TTC39C: variants seen among roughly 807,000 people sequenced by gnomAD.
TTC39C encodes tetratricopeptide repeat protein 39C.
A neutral mutation model predicts 76.3 loss-of-function variants in TTC39C; 33 were observed. That is an observed-to-expected ratio of 0.43 (90% CI 0.33 to 0.58). TTC39C has a LOEUF of 0.58. Among genes scored for constraint, TTC39C ranks in the 20% least tolerant of loss-of-function variants. The pLI, the probability that TTC39C is intolerant of heterozygous loss-of-function variation, is 0.04. For synonymous variants in TTC39C, 254 were observed against 260.6 expected (o/e 0.97, Z 0.24); for missense variants, 595 against 701.4 (o/e 0.85, Z 1.71).
chr18:24,097,529 T>G (rs1392741978), intron 6 of TTC39C, among the ~76,000 whole-genome samples: 1 of 152,226 alleles, frequency 6.6e-6, no homozygotes, highest in African/African-American at 2.4e-5. Context: ...TCTTTTTTGG[T>G]CAGAATGGTG....
chr18:24,114,531 TTC>T (rs908124130), intron 6 of TTC39C, 21 bp from the exon 7 acceptor site: 2 of 1,565,776 alleles, frequency 1.3e-6, no homozygotes, highest in African/African-American at 2.7e-5. Context: ...TAGCTGGTAA[TTC>T]TGTTTTCCTT....
chr18:24,086,812 A>G (rs1025402415), intron 6 of TTC39C, among the ~76,000 whole-genome samples: 2 of 152,206 alleles, frequency 1.3e-5, no homozygotes, highest in Admixed American at 1.3e-4. Context: ...GTGTGAATAC[A>G]GTACCTAGCA....
rs1555779358 is a variant in TTC39C, at chr18:24,134,257, G to GTTGTTTTTTTT, written c.*1685_*1686insGTTTTTTTTTT. The GTTGTTTTTTTT allele has an allele frequency of 8.6e-4, 42 of 48,724 alleles. 6 individuals carry two copies. Among genetic ancestry groups the GTTGTTTTTTTT allele is most frequent in the African/African-American group, 2.3e-3 (38 of 16,746 alleles). The allele number at this position is 48,724 out of a possible 1,614,324, so 3.0% of individuals were successfully genotyped here. Reference sequence around the variant, plus strand: ...TGGTGCCCAAAAATATTGGACATCTGTTTTTTGTTTTTTTTTTTTTTTTTT... The same window carrying GTTGTTTTTTTT: ...TGGTGCCCAAAAATATTGGACATCTGTTGTTTTTTTTTTTTTTGTTTTTTTTTTTTTTTTTT... On this transcript the variant is annotated 3_prime_UTR_variant, in exon 14 of 14. Transcript: ENST00000317571.
intron 1 of TTC39C, among the ~76,000 whole-genome samples, chr18:24,027,271 CAAAA>C (rs1248031860): frequency 2.0e-5 from 3 of 150,554 alleles, no homozygotes; most frequent in Admixed American, 2.0e-4. Flanking sequence ...GACTCCATCT[CAAAA>C]GAAAAAAAAA....
At chr18:24,129,069 C>T in intron 11 of TTC39C, 86 bp downstream of exon 11, 3 of 1,024,042 alleles carry the variant, frequency 2.9e-6, no homozygotes, top group Non-Finnish European at 4.2e-6. Flanking sequence ...TGAAAAAGCA[C>T]TGAACGAAAC....
rs192029932 is a variant in TTC39C at position 24,100,307 on chromosome 18, C to T, written c.985-14247C>T. Among the ~76,000 whole-genome samples, 593 of 152,316 alleles carry T rather than the reference C, an allele frequency of 3.9e-3. 2 individuals are homozygous for T. The highest frequency in any genetic ancestry group is 6.4e-3 in the Non-Finnish European group (436 of 68,028). ...CTCTGAGTCTGTGGCCCTTGTCCTCCGCCTGGCAGAAGCTCAGGGTTTAGG... is the reference window on the plus strand; with the variant it reads ...CTCTGAGTCTGTGGCCCTTGTCCTCTGCCTGGCAGAAGCTCAGGGTTTAGG... On this transcript the variant is annotated intron_variant, in intron 6 of 13. Transcript: ENST00000317571.
intron 1 of TTC39C, among the ~76,000 whole-genome samples, chr18:24,038,589 G>A (rs1461080869): frequency 6.6e-6 from 1 of 152,160 alleles, no homozygotes; most frequent in Non-Finnish European, 1.5e-5. Context: ...GGCCCACACA[G>A]CATATAATTT....
upstream of TTC39C, among the ~76,000 whole-genome samples, chr18:24,010,280 T>C (rs971019071): frequency 2.6e-5 from 4 of 152,206 alleles, no homozygotes; most frequent in African/African-American, 9.7e-5. Flanking sequence ...TTGGCTACGG[T>C]TTGAACAGTT....
chr18:24,025,208 G>C (rs910749422), intron 1 of TTC39C, among the ~76,000 whole-genome samples: 3 of 152,228 alleles, frequency 2.0e-5, no homozygotes, highest in African/African-American at 7.2e-5. Context: ...TTTCATGACA[G>C]AAGTTTCAGT....
chr18:24,013,111 A>T (rs2083406413), upstream of TTC39C: 2 of 152,198 alleles, frequency 1.3e-5, no homozygotes. Context: ...TGAGACTAAC[A>T]TTATGTTAAA....
chr18:24,084,142 T>C (rs9946146), intron 6 of TTC39C, among the ~76,000 whole-genome samples: 114,742 of 152,102 alleles, frequency 0.75, 45,839 homozygotes, highest in Non-Finnish European at 0.89. Context: ...GTTTTCTAAG[T>C]GCTTTGTATA....
chr18:24,133,747 T>C lies in TTC39C; in HGVS notation c.*1173T>C, dbSNP rs1053627580. 6.6e-6 allele frequency: 1 copy of C among 152,188 alleles called. No homozygotes were observed. Among genetic ancestry groups the C allele is most frequent in the African/African-American group, 2.4e-5 (1 of 41,444 alleles). 9.4% of individuals were successfully genotyped at this position (152,188 alleles called of 1,614,324 possible). A position where few individuals can be genotyped will look rare whatever the true frequency, so the allele number is the denominator to read the frequency against. ...CATGCCCGGTACTGCAAACCTGTGG[T>C]TTTGAAGAATCTAAATACCTCAGTC... On this transcript the variant is annotated 3_prime_UTR_variant, in exon 14 of 14. Coordinates refer to ENST00000317571, the MANE Select transcript of TTC39C (RefSeq NM_001135993.2).
intron 3 of TTC39C, among the ~76,000 whole-genome samples, chr18:24,067,290 A>G (rs1296427240): frequency 6.6e-6 from 1 of 152,212 alleles, no homozygotes; most frequent in Non-Finnish European, 1.5e-5. Context: ...TACCTCTTGA[A>G]TTCATCAACT....
intron 1 of TTC39C, among the ~76,000 whole-genome samples, chr18:24,035,277 A>G (rs1364874580): frequency 6.6e-6 from 1 of 152,044 alleles, no homozygotes; most frequent in Non-Finnish European, 1.5e-5. Flanking sequence ...GGCTCAAGGG[A>G]TCCTCCCACC....
At chr18:24,111,334 G>A (rs917648803) in intron 6 of TTC39C, among the ~76,000 whole-genome samples, 1 of 152,106 alleles carries the variant, frequency 6.6e-6, no homozygotes, top group Non-Finnish European at 1.5e-5. Flanking sequence ...ACTTTGTGAG[G>A]CTGAGGTGGG....
chr18:24,109,418 G>T (rs1012198081), intron 6 of TTC39C, among the ~76,000 whole-genome samples: 1 of 151,800 alleles, frequency 6.6e-6, no homozygotes, highest in Non-Finnish European at 1.5e-5. Flanking sequence ...TATTTCCTAG[G>T]TTCAAACTTG....
At chr18:24,075,227 C>T (rs1341051296) in intron 4 of TTC39C, among the ~76,000 whole-genome samples, 1 of 151,734 alleles carries the variant, frequency 6.6e-6, no homozygotes, top group African/African-American at 2.4e-5. Context: ...TGCAGCACAC[C>T]AACATGGCAC....
chr18:24,123,564 G>A (rs1046267040), intron 8 of TTC39C: 12 of 264,210 alleles, frequency 4.5e-5, no homozygotes, highest in African/African-American at 1.6e-4. Flanking sequence ...GTGCCACCAC[G>A]CCTGGCTTAT....
At chr18:24,085,122 A>G (rs2084424257) in intron 6 of TTC39C, among the ~76,000 whole-genome samples, 3 of 152,228 alleles carry the variant, frequency 2.0e-5, no homozygotes, top group Admixed American at 2.0e-4. Context: ...GGGGAAAGTA[A>G]ATTCATGGTG....
Sources: allele counts gnomAD v4.1 joint callset (sites outside exome capture counted in the v4.1 genomes callset), GRCh38; gene constraint gnomAD v4.1.1; transcripts MANE v1.5; gene names NCBI Gene and HGNC (gene_info 2026-07-23, HGNC 2026-07-21).